Variants in CUL1 observed in about 807,000 individuals in gnomAD.
CUL1 encodes the protein cullin-1.
A neutral mutation model predicts 118.0 loss-of-function variants in CUL1; 24 were observed. The observed-to-expected ratio is 0.20, with a 90% CI of 0.15 to 0.29. CUL1 has a LOEUF of 0.29. CUL1 is among the 10% of genes least tolerant of loss of function. The pLI, the probability that CUL1 is intolerant of heterozygous loss-of-function variation, is 1.00. For missense variants in CUL1, 361 were observed against 933.8 expected, an observed-to-expected ratio of 0.39 and a Z score of 7.99; for synonymous variants, 332 against 340.4, an observed-to-expected ratio of 0.98 and a Z score of 0.27.
rs1554463775 is a variant in CUL1 at position 148,725,212 on chromosome 7, C to CGCGT, written c.-161-4747_-161-4746insTGCG. Among the ~76,000 whole-genome samples the CGCGT allele has an allele frequency of 4.3e-3, 545 of 128,004 alleles. 4 individuals carry two copies. Among genetic ancestry groups the CGCGT allele is most frequent in the African/African-American group, 0.02 (524 of 25,916 alleles). 84.0% of individuals were successfully genotyped at this position (128,004 alleles called of 152,430 possible). ...ATGCGCGCGTGTACACACACACACA[C>CGCGT]GCGCGCGCTCACACACACACACACA... On this transcript the variant is annotated intron_variant, in intron 1 of 21. Coordinates refer to ENST00000325222, the MANE Select transcript of CUL1 (RefSeq NM_003592.3).
intron 3 of CUL1, among the ~76,000 whole-genome samples, chr7:148,756,568 C>T (rs1799666683): frequency 6.6e-6 from 1 of 152,164 alleles, no homozygotes; most frequent in Non-Finnish European, 1.5e-5. Flanking sequence ...AACTCCTGAC[C>T]TCAAGTGATC....
intron 11 of CUL1, 139 bp downstream of exon 11, chr7:148,784,216 C>T (rs1176838094): frequency 5.8e-6 from 4 of 688,180 alleles, no homozygotes; most frequent in Non-Finnish European, 7.4e-6. Context: ...TAAACATAAT[C>T]GTCCTTGCCG....
chr7:148,759,701 C>T, intron 6 of CUL1, 63 bp downstream of exon 6: 2 of 765,300 alleles, frequency 2.6e-6, no homozygotes, highest in Non-Finnish European at 4.2e-6. Flanking sequence ...CAACAATGCT[C>T]TAACAGATGT....
intron 1 of CUL1, among the ~76,000 whole-genome samples, chr7:148,712,270 T>G (rs1798075904): frequency 6.6e-6 from 1 of 152,202 alleles, no homozygotes; most frequent in Non-Finnish European, 1.5e-5. Flanking sequence ...GAGCTGGTGT[T>G]TTAAAGTATT....
chr7:148,774,695 C>T (rs1258849182), intron 9 of CUL1, among the ~76,000 whole-genome samples: 1 of 152,222 alleles, frequency 6.6e-6, no homozygotes, highest in Non-Finnish European at 1.5e-5. Context: ...TTAGTGTCCT[C>T]AGCCTAACAG....
intron 9 of CUL1, among the ~76,000 whole-genome samples, chr7:148,776,263 C>A (rs1187980152): frequency 5.1e-5 from 7 of 137,658 alleles, no homozygotes; most frequent in African/African-American, 1.9e-4. Flanking sequence ...TTTCCCTAAA[C>A]GAAAATGTAC....
chr7:148,767,882 C>G lies in CUL1; in HGVS notation c.1083+133C>G. 3 of 918,106 alleles carry G rather than the reference C, an allele frequency of 3.3e-6. No individual in the cohort carries two copies. In the East Asian group the frequency reaches 7.8e-5, roughly 24 times the overall value. 56.9% of individuals were successfully genotyped at this position (918,106 alleles called of 1,614,324 possible). ...TAGAACTCTGAGAACCATGTTTTGT[C>G]TTTTTGAAGTAGATAGTTCACAGAC... On this transcript the variant is annotated intron_variant, in intron 9 of 21. Transcript: ENST00000325222.
intron 2 of CUL1, among the ~76,000 whole-genome samples, chr7:148,741,713 G>A (rs937003843): frequency 7.5e-6 from 1 of 133,302 alleles, no homozygotes; most frequent in Non-Finnish European, 1.6e-5. Context: ...AGCTGGAACC[G>A]CAGGTGCGCA....
chr7:148,764,891 T>A (rs1287801227), intron 7 of CUL1, among the ~76,000 whole-genome samples: 2 of 152,248 alleles, frequency 1.3e-5, no homozygotes, highest in Admixed American at 6.5e-5. Context: ...TTTTCGTAAC[T>A]TGTTCACTAA....
intron 16 of CUL1, among the ~76,000 whole-genome samples, chr7:148,792,052 G>T (rs113907915): frequency 0.065 from 9,813 of 152,126 alleles, 414 homozygotes; most frequent in East Asian, 0.16. Context: ...TGGGTGTGGT[G>T]GTGCACGCCT....
chr7:148,735,678 C>A (rs1178229577), intron 2 of CUL1, among the ~76,000 whole-genome samples: 1 of 152,186 alleles, frequency 6.6e-6, no homozygotes, highest in Non-Finnish European at 1.5e-5. Context: ...TGATTCTGCT[C>A]ACCTAATGAG....
At chr7:148,764,885 C>T (rs534059157) in intron 7 of CUL1, among the ~76,000 whole-genome samples, 6 of 152,288 alleles carry the variant, frequency 3.9e-5, no homozygotes, top group South Asian at 4.1e-4. Flanking sequence ...ATAGGTTTTT[C>T]GTAACTTGTT....
Position 148,797,792 on chromosome 7 carries a change from C to A in CUL1, c.1900-20C>A. 2 of 1,602,698 alleles carry A rather than the reference C, an allele frequency of 1.2e-6. No individual in the cohort carries two copies. Among genetic ancestry groups the A allele is most frequent in the Non-Finnish European group, 1.7e-6 (2 of 1,173,394 alleles). On this transcript the variant is annotated intron_variant, in intron 17 of 21. Coordinates refer to ENST00000325222, the MANE Select transcript of CUL1 (RefSeq NM_003592.3). The stretch of plus-strand genomic sequence containing the variant: ...AAATGCATTTTCCCTTTAACTTCCT[C>A]TTTTTCTCTTTAATTGCAGGACATT...
chr7:148,721,889 A>G (rs1297177936), intron 1 of CUL1, among the ~76,000 whole-genome samples: 1 of 152,168 alleles, frequency 6.6e-6, no homozygotes, highest in Non-Finnish European at 1.5e-5. Flanking sequence ...TTTTGCTATT[A>G]TAAACAGTGC....
At chr7:148,783,659 T>C in intron 9 of CUL1, 124 bp from the exon 10 acceptor site, 1 of 1,554,972 alleles carries the variant, frequency 6.4e-7, no homozygotes, top group Non-Finnish European at 8.7e-7. Context: ...TCTTATCTCT[T>C]AACTTTGAAA....
At chr7:148,716,692 C>A (rs1223865266) in intron 1 of CUL1, among the ~76,000 whole-genome samples, 2 of 152,232 alleles carry the variant, frequency 1.3e-5, no homozygotes, top group Non-Finnish European at 2.9e-5. Flanking sequence ...ACAAAAGGTG[C>A]CTGTTTTCAG....
At chr7:148,720,059 A>G (rs75179889) in intron 1 of CUL1, among the ~76,000 whole-genome samples, 3,837 of 152,356 alleles carry the variant, frequency 0.025, 126 homozygotes, top group African/African-American at 0.077. Context: ...TACAGAGTCT[A>G]GCGTAGCAGC....
upstream of CUL1, chr7:148,698,853 G>GGGCGGGCAGGGGAGGAGGAGGA: frequency 6.4e-6 from 1 of 156,138 alleles, no homozygotes; most frequent in Admixed American, 6.5e-5. Flanking sequence ...GAGGAGGGCC[G>GGGCGGGCAGGGGAGGAGGAGGA]GGCGGGCAGG....
chr7:148,752,122 A>G (rs1427195428), intron 2 of CUL1, among the ~76,000 whole-genome samples: 1 of 152,222 alleles, frequency 6.6e-6, no homozygotes, highest in East Asian at 1.9e-4. Flanking sequence ...AAAAAAAACA[A>G]AACAAAATGT....
Sources: gnomAD v4.1 joint callset for allele counts (sites outside exome capture counted in the v4.1 genomes callset) on GRCh38, gnomAD v4.1.1 for gene constraint, MANE v1.5 for transcripts, NCBI Gene and HGNC (gene_info 2026-07-23, HGNC 2026-07-21) for gene names.